Variants in CACNA2D1 observed in about 807,000 individuals in gnomAD.
CACNA2D1 encodes calcium voltage-gated channel auxiliary subunit alpha2delta 1.
In CACNA2D1, 53 loss-of-function variants were observed where a neutral mutation model predicts 171.5. The ratio of observed to expected loss-of-function variants is 0.31; its 90% confidence interval spans 0.25 to 0.39. The LOEUF (loss-of-function observed/expected upper bound fraction) is 0.39, where lower values mean the gene tolerates loss of function less well. CACNA2D1 is among the 10% of genes least tolerant of loss of function. The pLI is 1.00. For missense variants in CACNA2D1, 903 were observed against 1,299.8 expected, an observed-to-expected ratio of 0.69 and a Z score of 4.69; for synonymous variants, 442 against 443.1, an observed-to-expected ratio of 1.00 and a Z score of 0.03.
intron 1 of CACNA2D1, among the ~76,000 whole-genome samples, chr7:82,375,036 T>C (rs1389071192): frequency 6.6e-6 from 1 of 152,178 alleles, no homozygotes; most frequent in African/African-American, 2.4e-5. Context: ...TGCGAAGGAA[T>C]ATAAGAGATT....
At chr7:81,953,467 T>A (rs1792839926) in intron 38 of CACNA2D1, among the ~76,000 whole-genome samples, 1 of 152,120 alleles carries the variant, frequency 6.6e-6, no homozygotes, top group African/African-American at 2.4e-5. Context: ...TTTACTGCCT[T>A]TGCATTTGTT....
intron 18 of CACNA2D1, 57 bp from the exon 19 acceptor site, chr7:81,997,307 A>AC: frequency 9.0e-7 from 1 of 1,114,504 alleles, no homozygotes; most frequent in South Asian, 1.2e-5. Flanking sequence ...GATGCTGTGT[A>AC]TAAAACAATT....
intron 3 of CACNA2D1, among the ~76,000 whole-genome samples, chr7:82,283,060 C>T (rs375593119): frequency 3.8e-4 from 58 of 152,134 alleles, no homozygotes; most frequent in African/African-American, 1.2e-3. Flanking sequence ...TTGTTTCCCA[C>T]GCTCCTTACA....
At chr7:82,206,089 G>T (rs1799977905) in intron 3 of CACNA2D1, among the ~76,000 whole-genome samples, 1 of 151,898 alleles carries the variant, frequency 6.6e-6, no homozygotes, top group African/African-American at 2.4e-5. Context: ...TTTAAAATAT[G>T]TACTTAACAA....
intron 3 of CACNA2D1, among the ~76,000 whole-genome samples, chr7:82,233,063 G>T (rs369707121): frequency 1.9e-3 from 288 of 151,956 alleles, no homozygotes; most frequent in African/African-American, 6.5e-3. Flanking sequence ...CTTATAACGG[G>T]GAAGTAATTA....
rs370725491 is a variant in CACNA2D1 at position 81,962,040 on chromosome 7, C to T, written c.2837-17G>A. The T allele has an allele frequency of 3.9e-5, 63 of 1,611,442 alleles. No homozygotes were observed. Among genetic ancestry groups the T allele is most frequent in the African/African-American group, 3.5e-4 (26 of 74,670 alleles). On this transcript the variant is annotated splice_polypyrimidine_tract_variant and intron_variant, in intron 35 of 38. Transcript: ENST00000356860. ...CCATCTCAACTTGGGTGGCGGGGGACGGTGTAAAAACAAAGAACACCATTA... is the reference window on the plus strand; with the variant it reads ...CCATCTCAACTTGGGTGGCGGGGGATGGTGTAAAAACAAAGAACACCATTA...
At chr7:82,424,398 C>G (rs987718149) in intron 1 of CACNA2D1, among the ~76,000 whole-genome samples, 1 of 152,264 alleles carries the variant, frequency 6.6e-6, no homozygotes, top group South Asian at 2.1e-4. Flanking sequence ...TCACCTAAAT[C>G]TACTCACTGA....
At chr7:82,243,209 T>G (rs1804524729) in intron 3 of CACNA2D1, among the ~76,000 whole-genome samples, 1 of 152,194 alleles carries the variant, frequency 6.6e-6, no homozygotes, top group Admixed American at 6.5e-5. Flanking sequence ...CTTTTACCTC[T>G]GTTTTGTTTC....
chr7:82,111,906 T>C (rs1049424281), intron 6 of CACNA2D1, among the ~76,000 whole-genome samples: 1 of 152,158 alleles, frequency 6.6e-6, no homozygotes, highest in Non-Finnish European at 1.5e-5. Context: ...TTTTTTAAAC[T>C]AATCCATCAA....
intron 4 of CACNA2D1, 42 bp downstream of exon 4, chr7:82,170,508 A>G (rs749914781): frequency 7.7e-7 from 1 of 1,305,032 alleles, no homozygotes; most frequent in South Asian, 1.2e-5. Context: ...CATACACAAT[A>G]TGTCAAGCTA....
chr7:81,955,102 T>C (rs986129598), intron 38 of CACNA2D1, among the ~76,000 whole-genome samples: 4 of 152,086 alleles, frequency 2.6e-5, no homozygotes, highest in African/African-American at 9.6e-5. Context: ...GCTTTTTGAG[T>C]CTTCATAAAC....
At chr7:82,410,256 A>T (rs1378706671) in intron 1 of CACNA2D1, among the ~76,000 whole-genome samples, 1 of 152,212 alleles carries the variant, frequency 6.6e-6, no homozygotes, top group Non-Finnish European at 1.5e-5. Flanking sequence ...CTTTATTACA[A>T]GAAAAGGTAT....
At chr7:82,357,891 T>A (rs1820641298) in intron 1 of CACNA2D1, among the ~76,000 whole-genome samples, 1 of 150,856 alleles carries the variant, frequency 6.6e-6, no homozygotes, top group South Asian at 2.1e-4. Flanking sequence ...CTTGTTACAG[T>A]AAGGGATTTA....
rs1195860007 is a variant in CACNA2D1, at chr7:82,026,626, A to T, written c.1143+6171T>A. Among the ~76,000 whole-genome samples the T allele has an allele frequency of 2.6e-5, 4 of 151,744 alleles. No individual in the cohort carries two copies. In the East Asian group the frequency reaches 7.7e-4, roughly 29 times the overall value. ...TACTGCATGCACAACTTTAGATAAC[A>T]ATAAACAATTATCTTTGTTATTAAT... is the stretch of plus-strand genomic sequence containing the variant. On this transcript the variant is annotated intron_variant, in intron 12 of 38. Transcript: ENST00000356860.
intron 18 of CACNA2D1, among the ~76,000 whole-genome samples, chr7:82,003,751 T>G (rs888028608): frequency 1.3e-5 from 2 of 150,662 alleles, no homozygotes; most frequent in Non-Finnish European, 3.0e-5. Context: ...TTACTTTTTT[T>G]TTTTTTTTTT....
At chr7:82,191,647 A>G (rs1209298822) in intron 3 of CACNA2D1, among the ~76,000 whole-genome samples, 2 of 151,816 alleles carry the variant, frequency 1.3e-5, no homozygotes, top group Non-Finnish European at 3.0e-5. Context: ...ATCAAAGGAA[A>G]AGTTAAAGAA....
chr7:82,042,242 T>A (rs574115236), intron 10 of CACNA2D1, among the ~76,000 whole-genome samples: 1 of 152,210 alleles, frequency 6.6e-6, no homozygotes, highest in Non-Finnish European at 1.5e-5. Flanking sequence ...CTTAGACTCA[T>A]CAGCTTATAT....
intron 1 of CACNA2D1, among the ~76,000 whole-genome samples, chr7:82,379,252 T>G (rs1823404299): frequency 6.6e-6 from 1 of 152,136 alleles, no homozygotes; most frequent in Non-Finnish European, 1.5e-5. Context: ...CAACTCCATA[T>G]CTACTGACTG....
chr7:81,976,364 C>CTATCCATG (rs1446416881), intron 24 of CACNA2D1, among the ~76,000 whole-genome samples: 4 of 152,146 alleles, frequency 2.6e-5, no homozygotes, highest in African/African-American at 9.7e-5. Flanking sequence ...ATTGATCTTC[C>CTATCCATG]TATCCATGAG....
Sources: gnomAD v4.1 joint callset for allele counts (sites outside exome capture counted in the v4.1 genomes callset) on GRCh38, gnomAD v4.1.1 for gene constraint, MANE v1.5 for transcripts, NCBI Gene and HGNC (gene_info 2026-07-23, HGNC 2026-07-21) for gene names.